The following ARHGAP22 variants were observed in gnomAD, a reference collection of about 807,000 sequenced individuals.
ARHGAP22 encodes the protein rho GTPase-activating protein 22.
A neutral mutation model predicts 59.1 loss-of-function variants in ARHGAP22; 48 were observed. The ratio of observed to expected loss-of-function variants is 0.81; its 90% CI spans 0.64 to 1.03. The LOEUF is 1.03. Among genes scored for constraint, ARHGAP22 ranks in the 50% least tolerant of loss-of-function variants. ARHGAP22 has a pLI of 0.00. For missense variants in ARHGAP22, 1,015 were observed against 958.7 expected (o/e 1.06, Z -0.78); for synonymous variants, 445 against 416.4 (o/e 1.07, Z -0.84).
At chr10:48,489,862 T>C (rs554681546) in intron 3 of ARHGAP22, among the ~76,000 whole-genome samples, 2 of 151,802 alleles carry the variant, frequency 1.3e-5, no homozygotes, top group East Asian at 3.9e-4. Flanking sequence ...GCCTCCCGAG[T>C]AGCTGGGACT....
the ARHGAP22 span, chr10:48,431,040 C>A: frequency 3.1e-6 from 2 of 651,636 alleles, no homozygotes; most frequent in East Asian, 2.8e-5. Context: ...AATTAACATC[C>A]TTGAATCTTA....
At chr10:48,589,995 G>A (rs1387909325) in intron 1 of ARHGAP22, among the ~76,000 whole-genome samples, 1 of 152,044 alleles carries the variant, frequency 6.6e-6, no homozygotes, top group Non-Finnish European at 1.5e-5. Flanking sequence ...CCACGGGCAT[G>A]TACAATTATT....
At chr10:48,531,736 G>A (rs1336696782) in intron 3 of ARHGAP22, among the ~76,000 whole-genome samples, 1 of 152,068 alleles carries the variant, frequency 6.6e-6, no homozygotes, top group East Asian at 1.9e-4. Context: ...CTAATTAGTG[G>A]TTAAGCTCAG....
At chr10:48,553,580 A>G (rs1162475949) in intron 3 of ARHGAP22, among the ~76,000 whole-genome samples, 1 of 152,186 alleles carries the variant, frequency 6.6e-6, no homozygotes. Context: ...TTTTTGTACA[A>G]TAGGTCTGAC....
At chr10:48,590,512 T>C (rs1197339484) in intron 1 of ARHGAP22, among the ~76,000 whole-genome samples, 1 of 152,132 alleles carries the variant, frequency 6.6e-6, no homozygotes, top group Non-Finnish European at 1.5e-5. Flanking sequence ...CCTGCTGGGA[T>C]TGGAGAGTCT....
In ARHGAP22 at chr10:48,497,218, C is replaced by T. The variant is rs148614136; in HGVS notation, c.323-17454G>A. 5.8e-3 allele frequency among the ~76,000 whole-genome samples: 887 copies of T among 152,352 alleles called. 8 individuals carry two copies. Among genetic ancestry groups the T allele is most frequent in the Non-Finnish European group, 9.2e-3 (623 of 68,038 alleles). ...ATCAAAACGGCAAGATGTGCTTACT[C>T]AGCTGCAAAAGCAAAGCCCACTCCT... On this transcript the variant is annotated intron_variant, in intron 3 of 9. Coordinates refer to ENST00000249601, the MANE Select transcript of ARHGAP22 (RefSeq NM_021226.4).
rs78211675 is a variant in ARHGAP22 at position 48,454,552 on chromosome 10, C to T, written c.793-391G>A. On this transcript the variant is annotated intron_variant, in intron 6 of 9. Coordinates refer to ENST00000249601, the MANE Select transcript of ARHGAP22 (RefSeq NM_021226.4). ...CTGGGGCTGCAGACCAGCACCTGCACGGGTGGGGACGGGAGGGCTGGCTCA... is the reference window on the plus strand; with the variant it reads ...CTGGGGCTGCAGACCAGCACCTGCATGGGTGGGGACGGGAGGGCTGGCTCA... Among the ~76,000 whole-genome samples, 112 of 152,218 alleles carry T rather than the reference C, an allele frequency of 7.4e-4. 1 individual carries two copies. In the East Asian group the frequency reaches 0.018, roughly 24 times the overall value.
intron 3 of ARHGAP22, chr10:48,493,374 A>G (rs1024830212): frequency 2.1e-6 from 3 of 1,461,740 alleles, no homozygotes; most frequent in Non-Finnish European, 2.8e-6. Context: ...TCAAGGGTTA[A>G]TCGCCCTCCC....
chr10:48,557,384 G>T (rs941716137), intron 2 of ARHGAP22, among the ~76,000 whole-genome samples: 6 of 152,116 alleles, frequency 3.9e-5, no homozygotes, highest in Admixed American at 1.3e-4. Flanking sequence ...TTCTACTATA[G>T]CTAAATGGAA....
At chr10:48,492,049 G>A (rs1218694297) in intron 3 of ARHGAP22, among the ~76,000 whole-genome samples, 2 of 152,148 alleles carry the variant, frequency 1.3e-5, no homozygotes, top group Non-Finnish European at 2.9e-5. Flanking sequence ...GGGGAGGCTC[G>A]AAAATGCAGG....
rs78679951 is a variant in ARHGAP22, at chr10:48,453,952, C to G, written c.866+136G>C. 2.9e-3 allele frequency: 2,613 copies of G among 896,492 alleles called. 58 individuals carry two copies. The African/African-American group carries it at 0.039, about 13-fold the overall frequency. The allele number at this position is 896,492 out of a possible 1,614,324, so 55.5% of individuals were successfully genotyped here. On this transcript the variant is annotated intron_variant, in intron 7 of 9. Coordinates refer to ENST00000249601, the MANE Select transcript of ARHGAP22 (RefSeq NM_021226.4). ...TTTTCCACTCCCTGCTTCGTCCACG[C>G]TGGGTTGAGGCTGTGCAGGGTGGGG...
chr10:48,497,648 A>G (rs1283240474), intron 3 of ARHGAP22, among the ~76,000 whole-genome samples: 2 of 152,162 alleles, frequency 1.3e-5, no homozygotes, highest in Non-Finnish European at 2.9e-5. Context: ...GAGGCAGGGC[A>G]CTACCGGGGA....
chr10:48,615,283 T>C (rs2061037487), intron 1 of ARHGAP22, among the ~76,000 whole-genome samples: 2 of 152,298 alleles, frequency 1.3e-5, no homozygotes, highest in South Asian at 4.1e-4. Flanking sequence ...AGCAAAAATA[T>C]GGGAGCACCC....
chr10:48,455,062 G>A lies in ARHGAP22; in HGVS notation c.732C>T (p.Pro244=), dbSNP rs35021101. The change falls in exon 6 of 10, where the codon CCC becomes CCT. Residue 244 remains proline, a synonymous_variant. Transcript: ENST00000249601. Reference sequence around the variant, plus strand: ...TGAGGAAGTCCTCGTACCTGGCGAAGGGGACCACGGGCTCGGGGAGCTCCC... The same window carrying A: ...TGAGGAAGTCCTCGTACCTGGCGAAAGGGACCACGGGCTCGGGGAGCTCCC... ...YLRELPEPVV[P]FARYEDFLSC... The A allele has an allele frequency of 6.2e-7, 1 of 1,612,352 alleles. No individual in the cohort carries two copies. Among genetic ancestry groups the A allele is most frequent in the Non-Finnish European group, 8.5e-7 (1 of 1,179,544 alleles).
intron 3 of ARHGAP22, among the ~76,000 whole-genome samples, chr10:48,539,869 C>T (rs1158464717): frequency 6.6e-6 from 1 of 152,166 alleles, no homozygotes; most frequent in Non-Finnish European, 1.5e-5. Context: ...AATACATTGA[C>T]TTATAATAAA....
At chr10:48,568,416 C>G (rs932911580) in intron 2 of ARHGAP22, among the ~76,000 whole-genome samples, 3 of 152,244 alleles carry the variant, frequency 2.0e-5, no homozygotes, top group African/African-American at 7.2e-5. Flanking sequence ...TCTTTGCCCC[C>G]TGAAGTACCT....
chr10:48,537,772 G>A (rs1020970606), intron 3 of ARHGAP22, among the ~76,000 whole-genome samples: 3 of 152,216 alleles, frequency 2.0e-5, no homozygotes, highest in African/African-American at 7.2e-5. Context: ...AAGTCCCAGG[G>A]GCAGTGCCTC....
At chr10:48,596,988 A>G (rs1239725214) in intron 1 of ARHGAP22, among the ~76,000 whole-genome samples, 1 of 152,062 alleles carries the variant, frequency 6.6e-6, no homozygotes, top group Non-Finnish European at 1.5e-5. Flanking sequence ...CCCTGGACTC[A>G]TGACTCTGCT....
At chr10:48,578,147 C>A (rs1266624451) in intron 2 of ARHGAP22, among the ~76,000 whole-genome samples, 1 of 152,080 alleles carries the variant, frequency 6.6e-6, no homozygotes, top group Non-Finnish European at 1.5e-5. Flanking sequence ...ACCCAGTGCT[C>A]CTGTCCTGAG....
Sources: gnomAD v4.1 joint callset for allele counts (sites outside exome capture counted in the v4.1 genomes callset) on GRCh38, gnomAD v4.1.1 for gene constraint, MANE v1.5 for transcripts, NCBI Gene and HGNC (gene_info 2026-07-23, HGNC 2026-07-21) for gene names.